Variants in TTC17 observed in about 807,000 individuals in gnomAD.
TTC17 encodes the protein tetratricopeptide repeat domain 17.
TTC17 carries 58 observed loss-of-function variants against 143.8 expected under a neutral mutation model. The ratio of observed to expected loss-of-function variants is 0.40; its 90% CI spans 0.33 to 0.50. TTC17 has a LOEUF of 0.50. TTC17 is among the 20% of genes least tolerant of loss of function. The pLI is 0.49. For missense variants in TTC17, 1,273 were observed against 1,392.5 expected, an observed-to-expected ratio of 0.91 and a Z score of 1.37; for synonymous variants, 501 against 497.8, an observed-to-expected ratio of 1.01 and a Z score of -0.09.
chr11:43,492,194 A>G lies in TTC17; in HGVS notation c.3294+31A>G, dbSNP rs771718336. On this transcript the variant is annotated intron_variant, in intron 23 of 23. Coordinates refer to ENST00000039989, the MANE Select transcript of TTC17 (RefSeq NM_018259.6). ...ATGGGGGTGTGAGCAGTATGTACCA[A>G]CTCTGCCAAACAGTAGCACATCTTT... 1.3e-5 allele frequency: 21 copies of G among 1,596,282 alleles called. No individual in the cohort carries two copies. The South Asian group carries it at 1.9e-4, about 14-fold the overall frequency.
At chr11:43,359,913 C>G (rs1377007734) in intron 1 of TTC17, among the ~76,000 whole-genome samples, 1 of 152,154 alleles carries the variant, frequency 6.6e-6, no homozygotes, top group Non-Finnish European at 1.5e-5. Context: ...TGATTGCCTG[C>G]GTTTTGTAAA....
intron 3 of TTC17, 33 bp from the exon 4 acceptor site, chr11:43,391,431 CT>C (rs1446621946): frequency 7.8e-7 from 1 of 1,283,952 alleles, no homozygotes; most frequent in Non-Finnish European, 1.1e-6. Context: ...TTTATCTCAC[CT>C]TTTATTCATT....
rs1436970245 is a variant in TTC17 at position 43,373,928 on chromosome 11, C to T, written c.160-5305C>T. On this transcript the variant is annotated intron_variant, in intron 1 of 23. Coordinates refer to ENST00000039989, the MANE Select transcript of TTC17 (RefSeq NM_018259.6). ...TTAAAGCCATACAGTTAGTCATAGA[C>T]TGGTCAGATGCATATTTTGTTTCTG... Among the ~76,000 whole-genome samples, 11 of 152,334 alleles carry T rather than the reference C, an allele frequency of 7.2e-5. No homozygotes were observed. In the East Asian group the frequency reaches 2.1e-3, roughly 29 times the overall value.
intron 1 of TTC17, 32 bp downstream of exon 1, chr11:43,359,145 C>T (rs367669176): frequency 6.5e-7 from 1 of 1,542,206 alleles, no homozygotes; most frequent in East Asian, 2.6e-5. Flanking sequence ...TTCTCCCGTG[C>T]CCGCCCTCGC....
At chr11:43,486,508 T>C (rs1304744201) in intron 21 of TTC17, 42 of 406,480 alleles carry the variant, frequency 1.0e-4, no homozygotes, top group South Asian at 6.3e-4. Context: ...AACTAATGTA[T>C]ATTGTTGAGT....
intron 16 of TTC17, among the ~76,000 whole-genome samples, chr11:43,428,047 C>T (rs1328213435): frequency 6.6e-6 from 1 of 152,112 alleles, no homozygotes; most frequent in Non-Finnish European, 1.5e-5. Flanking sequence ...CTACAGTTCC[C>T]ACTGTAAGAG....
chr11:43,488,963 G>A (rs1488261957), intron 21 of TTC17, among the ~76,000 whole-genome samples: 4 of 152,132 alleles, frequency 2.6e-5, no homozygotes, highest in Non-Finnish European at 5.9e-5. Flanking sequence ...ACAGCCGTGA[G>A]CCACCAAGCC....
chr11:43,473,416 C>T lies in TTC17; in HGVS notation c.3031-16823C>T, dbSNP rs568588043. Among the ~76,000 whole-genome samples, 10 of 152,196 alleles carry T rather than the reference C, an allele frequency of 6.6e-5. No homozygotes were observed. In the East Asian group the frequency reaches 7.7e-4, roughly 12 times the overall value. ...AAACAGAAAGGGGAGAGGAGATGAA[C>T]GTCAGTGATCTATGCTTCTATCTCA... On this transcript the variant is annotated intron_variant, in intron 21 of 23. Transcript: ENST00000039989.
rs1024314357 is a variant in TTC17, at chr11:43,405,929, T to C, written c.1739T>C (p.Met580Thr). The change falls in exon 13 of 24, where the codon ATG becomes ACG. Residue 580 changes from methionine to threonine, a missense_variant. By Grantham distance (81) the Met-to-Thr change is moderately conservative (BLOSUM62 -1). This residue lies in a region of TTC17 where 878 missense variants were observed against 899.8 expected (regional missense o/e 0.98). Coordinates refer to ENST00000039989, the MANE Select transcript of TTC17 (RefSeq NM_018259.6). ...GTTCGCATGGATCTGAAAGCCAAAATGCCAGATGACCATGCACGAAAAGTA... is the reference window on the plus strand; with the variant it reads ...GTTCGCATGGATCTGAAAGCCAAAACGCCAGATGACCATGCACGAAAAGTA... Reference protein sequence around the residue: ...LEVRMDLKAKMPDDHARKILL... With the variant: ...LEVRMDLKAKTPDDHARKILL... The C allele has an allele frequency of 6.2e-7, 1 of 1,613,228 alleles. No individual in the cohort carries two copies. Among genetic ancestry groups the C allele is most frequent in the Non-Finnish European group, 8.5e-7 (1 of 1,179,740 alleles).
rs530660690 is a variant in TTC17 at position 43,475,652 on chromosome 11, A to G, written c.3031-14587A>G. Among the ~76,000 whole-genome samples the G allele has an allele frequency of 2.6e-5, 4 of 152,266 alleles. No homozygotes were observed. In the South Asian group the frequency reaches 8.3e-4, roughly 32 times the overall value. On this transcript the variant is annotated intron_variant, in intron 21 of 23. Coordinates refer to ENST00000039989, the MANE Select transcript of TTC17 (RefSeq NM_018259.6). The stretch of plus-strand genomic sequence containing the variant: ...AATTTCAGATATTTCTGGATTTTTG[A>G]ATATTTGCATTATTCTGCTTGAGCA...
At chr11:43,420,548 C>T (rs1223504310) in intron 16 of TTC17, among the ~76,000 whole-genome samples, 2 of 152,068 alleles carry the variant, frequency 1.3e-5, no homozygotes, top group Admixed American at 6.6e-5. Context: ...TTCTATTTTA[C>T]GTGGAAGATG....
In TTC17 at chr11:43,398,049, A is replaced by G. The variant is rs776082923; in HGVS notation, c.994A>G (p.Ile332Val). 1.5e-5 allele frequency: 25 copies of G among 1,613,892 alleles called. No individual in the cohort carries two copies. Among genetic ancestry groups the G allele is most frequent in the African/African-American group, 6.7e-5 (5 of 74,872 alleles). ...GGCCAGACCTGGGTTTGAGCAAGCT[A>G]TAAAGAGGAAGCATGCTGTCCTATG... ...LQARPGFEQAIKRKHAVLCQQ... is the reference protein window; with the variant it reads ...LQARPGFEQAVKRKHAVLCQQ... The change falls in exon 8 of 24, where the codon ATA becomes GTA. Residue 332 changes from isoleucine (I) to valine (V), a missense_variant. This residue lies in a region of TTC17 where 325 missense variants were observed against 444.2 expected (regional missense o/e 0.73). Transcript: ENST00000039989.
At chr11:43,465,230 C>CTA (rs1373018952) in intron 21 of TTC17, among the ~76,000 whole-genome samples, 1 of 152,110 alleles carries the variant, frequency 6.6e-6, no homozygotes, top group African/African-American at 2.4e-5. Context: ...TGTCTACTTG[C>CTA]CAAGCTAAAG....
intron 16 of TTC17, among the ~76,000 whole-genome samples, chr11:43,427,039 CTA>C (rs1171550245): frequency 6.6e-6 from 1 of 152,160 alleles, no homozygotes; most frequent in Non-Finnish European, 1.5e-5. Context: ...TAAACCAAGT[CTA>C]GTTTGCTAGT....
chr11:43,389,668 A>G lies in TTC17; in HGVS notation c.266A>G (p.Gln89Arg). The change falls in exon 3 of 24, where the codon CAA becomes CGA. Residue 89 changes from glutamine to arginine, a missense_variant. Gln to Arg is a conservative substitution (Grantham distance 43, BLOSUM62 1). This residue lies in a region of TTC17 where 325 missense variants were observed against 444.2 expected (regional missense o/e 0.73). Coordinates refer to ENST00000039989, the MANE Select transcript of TTC17 (RefSeq NM_018259.6). The stretch of plus-strand genomic sequence containing the variant: ...TCTCAACAGAAACAATTAGTTGCTC[A>G]AAAAATTCACATAGAAGAGAATGAG... The part of the protein sequence containing the change: ...LKELEKQLVA[Q>R]KIHIEENEDR... 6.2e-7 allele frequency: 1 copy of G among 1,607,234 alleles called. No individual in the cohort carries two copies. Among genetic ancestry groups the G allele is most frequent in the Non-Finnish European group, 8.5e-7 (1 of 1,178,112 alleles).
chr11:43,485,490 G>A (rs1280745382), intron 21 of TTC17, among the ~76,000 whole-genome samples: 4 of 152,118 alleles, frequency 2.6e-5, no homozygotes, highest in African/African-American at 9.7e-5. Context: ...AAAAGAAAAT[G>A]TTAATGAATT....
chr11:43,472,526 T>G (rs1264365381), intron 21 of TTC17, among the ~76,000 whole-genome samples: 1 of 152,202 alleles, frequency 6.6e-6, no homozygotes, highest in Non-Finnish European at 1.5e-5. Flanking sequence ...ACTAATAGCA[T>G]AGTTTTAAGT....
intron 1 of TTC17, among the ~76,000 whole-genome samples, chr11:43,375,530 G>C (rs1372670488): frequency 5.9e-5 from 9 of 151,898 alleles, no homozygotes. Flanking sequence ...AACTTAAGGG[G>C]AAAAATTTTA....
chr11:43,363,605 C>T (rs1856203400), intron 1 of TTC17, among the ~76,000 whole-genome samples: 1 of 152,218 alleles, frequency 6.6e-6, no homozygotes, highest in South Asian at 2.1e-4. Flanking sequence ...TTCTTTGTCA[C>T]TATTTCCCTC....
Sources: allele counts gnomAD v4.1 joint callset (sites outside exome capture counted in the v4.1 genomes callset), GRCh38; gene constraint gnomAD v4.1.1; regional missense constraint gnomAD v4.1.1; transcripts MANE v1.5; gene names NCBI Gene and HGNC (gene_info 2026-07-23, HGNC 2026-07-21).